The following UBE2W variants were observed in gnomAD, a reference collection of about 807,000 sequenced individuals.
UBE2W encodes ubiquitin-conjugating enzyme E2 W.
Under a neutral mutation model 27.2 loss-of-function variants are expected in UBE2W, and 18 were observed. The ratio of observed to expected loss-of-function variants is 0.66; its 90% CI spans 0.46 to 0.98. The LOEUF is 0.98. Ranked by LOEUF, UBE2W falls within the 50% of genes least tolerant of loss-of-function variation. The pLI is 0.00. For synonymous variants in UBE2W, 53 were observed against 57.2 expected, an observed-to-expected ratio of 0.93 and a Z score of 0.33; for missense variants, 90 against 180.2, an observed-to-expected ratio of 0.50 and a Z score of 2.87.
chr8:73,851,966 A>ATTTTT (rs1563620724), intron 1 of UBE2W, among the ~76,000 whole-genome samples: 1 of 136,896 alleles, frequency 7.3e-6, no homozygotes, highest in Non-Finnish European at 1.5e-5. Flanking sequence ...TTTTTTTTAA[A>ATTTTT]AAAAAAAAAA....
At chr8:73,876,974 G>GA (rs1563643476) in intron 1 of UBE2W, among the ~76,000 whole-genome samples, 2 of 151,846 alleles carry the variant, frequency 1.3e-5, no homozygotes, top group African/African-American at 4.8e-5. Flanking sequence ...TCTCAAAAAA[G>GA]AAAAAAGACA....
rs1808075420 is a variant in UBE2W, at chr8:73,788,908, T to C, written c.*5194A>G. ...AGGTATGTTAAGATAGATCAGCTTC[T>C]ATTCAGGCATTCCTTCCACATACTC... is the stretch of plus-strand genomic sequence containing the variant. On this transcript the variant is annotated 3_prime_UTR_variant, in exon 6 of 6. Coordinates refer to ENST00000602593, the MANE Select transcript of UBE2W (RefSeq NM_018299.6). 3.0e-6 allele frequency: 3 copies of C among 985,206 alleles called. No homozygotes were observed. Among genetic ancestry groups the C allele is most frequent in the African/African-American group, 1.7e-5 (1 of 57,226 alleles). 61.0% of individuals were successfully genotyped at this position (985,206 alleles called of 1,614,324 possible).
chr8:73,816,049 T>C (rs985086397), intron 3 of UBE2W, among the ~76,000 whole-genome samples: 1 of 152,232 alleles, frequency 6.6e-6, no homozygotes, highest in Non-Finnish European at 1.5e-5. Context: ...AATCTTAGCA[T>C]AGCTTTCCAT....
At chr8:73,810,675 C>T (rs991185480) in intron 3 of UBE2W, 46 bp from the exon 4 acceptor site, 17 of 1,425,944 alleles carry the variant, frequency 1.2e-5, no homozygotes, top group Admixed American at 2.7e-5. Context: ...TTCTCTACTA[C>T]CAAAAACTAA....
chr8:73,871,937 T>C (rs1380684774), intron 1 of UBE2W, among the ~76,000 whole-genome samples: 1 of 152,082 alleles, frequency 6.6e-6, no homozygotes, highest in Non-Finnish European at 1.5e-5. Context: ...CTGTCACCCA[T>C]GCTGGAGTAG....
downstream of UBE2W, among the ~76,000 whole-genome samples, chr8:73,781,224 C>T (rs557740303): frequency 4.0e-5 from 6 of 148,214 alleles, no homozygotes; most frequent in East Asian, 4.0e-4. Flanking sequence ...GAGCCGAGAT[C>T]GCGCCATTGC....
At chr8:73,805,472 C>CAAAACAAAACAA (rs1554579998) in intron 5 of UBE2W, among the ~76,000 whole-genome samples, 179 bp downstream of exon 5, 1 of 43,676 alleles carries the variant, frequency 2.3e-5, no homozygotes, top group Non-Finnish European at 5.0e-5. Context: ...AAAAAAAAAA[C>CAAAACAAAACAA]AAAAAAAACT....
At chr8:73,800,262 A>G (rs1470200351) in intron 5 of UBE2W, among the ~76,000 whole-genome samples, 1 of 152,238 alleles carries the variant, frequency 6.6e-6, no homozygotes, top group Non-Finnish European at 1.5e-5. Context: ...TGTGTAACAA[A>G]TATTTCCATT....
intron 1 of UBE2W, chr8:73,870,180 A>T: frequency 3.7e-6 from 5 of 1,347,972 alleles, no homozygotes; most frequent in Non-Finnish European, 5.2e-6. Flanking sequence ...GTGCATTAAA[A>T]GGATGTCAAA....
In UBE2W at chr8:73,790,497, C is replaced by A; in HGVS notation, c.*3605G>T. The A allele has an allele frequency of 2.0e-6, 2 of 984,454 alleles. No individual in the cohort carries two copies. The highest frequency in any genetic ancestry group is 9.4e-5 in the South Asian group (2 of 21,270). The allele number at this position is 984,454 out of a possible 1,614,324, so 61.0% of individuals were successfully genotyped here. A position where few individuals can be genotyped will look rare whatever the true frequency, so the allele number is the denominator to read the frequency against. ...TCAGTTCTTTTTGAAAAGCAATTTA[C>A]ATACACAATTACAAATAATTGTAAA... On this transcript the variant is annotated 3_prime_UTR_variant, in exon 6 of 6. Transcript: ENST00000602593.
intron 1 of UBE2W, among the ~76,000 whole-genome samples, chr8:73,845,706 A>G (rs1810769280): frequency 6.6e-6 from 1 of 151,874 alleles, no homozygotes. Flanking sequence ...TGATCAATAA[A>G]TACTAAAAAA....
intron 4 of UBE2W, among the ~76,000 whole-genome samples, chr8:73,780,671 C>G (rs1807825219): frequency 6.6e-6 from 1 of 151,980 alleles, no homozygotes; most frequent in Non-Finnish European, 1.5e-5. Context: ...CAGGTGACAC[C>G]ACCACATTCA....
chr8:73,821,740 G>A (rs1032978514), intron 3 of UBE2W, among the ~76,000 whole-genome samples: 1 of 152,110 alleles, frequency 6.6e-6, no homozygotes, highest in African/African-American at 2.4e-5. Context: ...GCTCACACAT[G>A]TAATCCCAGC....
At chr8:73,831,007 A>G (rs572826767) in intron 1 of UBE2W, 4 of 195,030 alleles carry the variant, frequency 2.1e-5, no homozygotes, top group African/African-American at 9.4e-5. Flanking sequence ...AGCTGAATGT[A>G]TGGAGTTTCC....
chr8:73,861,721 A>G (rs1260505479), intron 1 of UBE2W, among the ~76,000 whole-genome samples: 2 of 152,178 alleles, frequency 1.3e-5, no homozygotes, highest in Admixed American at 6.5e-5. Flanking sequence ...AAGAAGAATC[A>G]CTGAGCTCAT....
chr8:73,819,307 G>A (rs575512413), intron 3 of UBE2W, among the ~76,000 whole-genome samples: 3 of 152,236 alleles, frequency 2.0e-5, no homozygotes, highest in Non-Finnish European at 2.9e-5. Context: ...CTCCATATAA[G>A]CAGGGTTTTT....
intron 5 of UBE2W, among the ~76,000 whole-genome samples, chr8:73,798,802 G>A (rs565117580): frequency 2.0e-5 from 3 of 152,188 alleles, no homozygotes; most frequent in African/African-American, 7.2e-5. Flanking sequence ...TCATTTATTG[G>A]TGCATAGAAC....
At chr8:73,843,369 G>A (rs985946821) in intron 1 of UBE2W, among the ~76,000 whole-genome samples, 1 of 152,096 alleles carries the variant, frequency 6.6e-6, no homozygotes, top group Non-Finnish European at 1.5e-5. Context: ...ACAATGGCTT[G>A]TGCCTGTAAT....
chr8:73,792,521 A>G lies in UBE2W; in HGVS notation c.*1581T>C, dbSNP rs886268252. The G allele has an allele frequency of 3.0e-6, 3 of 985,540 alleles. No individual in the cohort carries two copies. The highest frequency in any genetic ancestry group is 3.6e-6 in the Non-Finnish European group (3 of 829,614). 61.0% of individuals were successfully genotyped at this position (985,540 alleles called of 1,614,324 possible). ...AACAATTTTAAAATATTATTTACCA[A>G]TTATTGATTGAATGGTTTTACTGGG... is the stretch of plus-strand genomic sequence containing the variant. On this transcript the variant is annotated 3_prime_UTR_variant, in exon 6 of 6. Coordinates refer to ENST00000602593, the MANE Select transcript of UBE2W (RefSeq NM_018299.6).
Sources: allele counts gnomAD v4.1 joint callset (sites outside exome capture counted in the v4.1 genomes callset), GRCh38; gene constraint gnomAD v4.1.1; transcripts MANE v1.5; gene names NCBI Gene and HGNC (gene_info 2026-07-23, HGNC 2026-07-21).